Variants in GRM3 observed in about 807,000 individuals in gnomAD.
GRM3 encodes the protein metabotropic glutamate receptor 3.
In GRM3, 26 loss-of-function variants were observed where a neutral mutation model predicts 70.5. The ratio of observed to expected loss-of-function variants is 0.37; its 90% CI spans 0.27 to 0.51. The LOEUF (loss-of-function observed/expected upper bound fraction) is 0.51. Among genes scored for constraint, GRM3 ranks in the 20% least tolerant of loss-of-function variants. The probability of loss-of-function intolerance (pLI) is 0.93; values close to 1 mark genes in which losing one functional copy is unlikely to be tolerated. For synonymous variants in GRM3, 443 were observed against 434.9 expected (o/e 1.02, Z -0.23); for missense variants, 859 against 1,123.8 (o/e 0.76, Z 3.37).
At chr7:86,687,555 C>T (rs1207772694) in intron 1 of GRM3, among the ~76,000 whole-genome samples, 1 of 151,700 alleles carries the variant, frequency 6.6e-6, no homozygotes, top group African/African-American at 2.4e-5. Context: ...GCAAAATAGA[C>T]ATTTTCAGAA....
chr7:86,800,896 A>T (rs1797665014), intron 3 of GRM3, among the ~76,000 whole-genome samples: 1 of 152,158 alleles, frequency 6.6e-6, no homozygotes, highest in Non-Finnish European at 1.5e-5. Context: ...TCAATAAAAT[A>T]TGGCAAACCG....
At chr7:86,769,275 CG>C (rs1411773397) in intron 2 of GRM3, among the ~76,000 whole-genome samples, 20 of 151,976 alleles carry the variant, frequency 1.3e-4, no homozygotes, top group Middle Eastern at 3.4e-3. Context: ...TGAACTGAGC[CG>C]GGGGAAAAAA....
At position 86,743,871 on chromosome 7, in the gene GRM3, T is replaced by G. The variant is rs1796044959; in HGVS notation, c.-140-21135T>G. 2.0e-5 allele frequency among the ~76,000 whole-genome samples: 3 copies of G among 152,100 alleles called. No homozygotes were observed. The South Asian group carries it at 6.2e-4, about 32-fold the overall frequency. On this transcript the variant is annotated intron_variant, in intron 1 of 5. Coordinates refer to ENST00000361669, the MANE Select transcript of GRM3 (RefSeq NM_000840.3). ...GACTCAAACCACTTCCATATGTAAT[T>G]CCTCAAGAAGAGAGCTGTGTGAGAC...
At chr7:86,784,199 A>T (rs1021603465) in intron 2 of GRM3, 8 of 151,026 alleles carry the variant, frequency 5.3e-5, no homozygotes, top group Non-Finnish European at 8.8e-5. Flanking sequence ...CCTATCATTG[A>T]AAAACAAGAA....
chr7:86,803,746 G>C (rs1797730851), intron 3 of GRM3, among the ~76,000 whole-genome samples: 1 of 150,778 alleles, frequency 6.6e-6, no homozygotes, highest in African/African-American at 2.5e-5. Flanking sequence ...GCCCCAGTGT[G>C]GCAAGAGGTG....
intron 1 of GRM3, among the ~76,000 whole-genome samples, chr7:86,717,586 TA>T (rs1795348148): frequency 6.6e-6 from 1 of 151,768 alleles, no homozygotes; most frequent in Non-Finnish European, 1.5e-5. Context: ...TAATAAACAA[TA>T]AAAAAGTATC....
chr7:86,679,299 C>T (rs1338851811), intron 1 of GRM3, among the ~76,000 whole-genome samples: 1 of 151,976 alleles, frequency 6.6e-6, no homozygotes, highest in Admixed American at 6.6e-5. Flanking sequence ...AAACAATATA[C>T]ATACACAAAT....
intron 2 of GRM3, among the ~76,000 whole-genome samples, chr7:86,774,011 A>G (rs565048445): frequency 3.9e-5 from 6 of 152,258 alleles, no homozygotes; most frequent in African/African-American, 1.4e-4. Context: ...CAAAGAATAC[A>G]GACATTCCTA....
chr7:86,767,744 C>T (rs1206087119), intron 2 of GRM3, among the ~76,000 whole-genome samples: 4 of 151,818 alleles, frequency 2.6e-5, no homozygotes, highest in Non-Finnish European at 5.9e-5. Context: ...TGGTACTCTA[C>T]AGCAGATGTG....
chr7:86,836,816 T>A (rs1416878832), intron 3 of GRM3, among the ~76,000 whole-genome samples: 3 of 152,224 alleles, frequency 2.0e-5, no homozygotes, highest in Non-Finnish European at 4.4e-5. Context: ...AAAGAACTCT[T>A]ATTCCCAATT....
chr7:86,820,872 A>G (rs533301300), intron 3 of GRM3, among the ~76,000 whole-genome samples: 1 of 152,248 alleles, frequency 6.6e-6, no homozygotes, highest in South Asian at 2.1e-4. Flanking sequence ...TTCCCCTTCA[A>G]CGTCACCCAG....
At chr7:86,712,729 C>A (rs185720207) in intron 1 of GRM3, among the ~76,000 whole-genome samples, 1 of 152,028 alleles carries the variant, frequency 6.6e-6, no homozygotes, top group South Asian at 2.1e-4. Context: ...CGAGAACATG[C>A]GATATTTGTC....
intron 1 of GRM3, among the ~76,000 whole-genome samples, chr7:86,707,981 G>C (rs889340836): frequency 6.6e-6 from 1 of 152,054 alleles, no homozygotes; most frequent in Non-Finnish European, 1.5e-5. Context: ...AATGAGAAGC[G>C]TGAATTACAT....
intron 3 of GRM3, among the ~76,000 whole-genome samples, chr7:86,795,151 C>G (rs1263487715): frequency 6.6e-6 from 1 of 151,708 alleles, no homozygotes; most frequent in Non-Finnish European, 1.5e-5. Context: ...TAACCAGCCA[C>G]TTTGGAAAAG....
chr7:86,682,615 A>G (rs182192380), intron 1 of GRM3, among the ~76,000 whole-genome samples: 19 of 152,284 alleles, frequency 1.2e-4, no homozygotes, highest in Admixed American at 1.2e-3. Flanking sequence ...TGAAGTAGAA[A>G]ATCATCCAGC....
At chr7:86,784,999 T>C (rs1431404615) in intron 2 of GRM3, among the ~76,000 whole-genome samples, 1 of 152,220 alleles carries the variant, frequency 6.6e-6, no homozygotes, top group East Asian at 1.9e-4. Flanking sequence ...GGCTCAGATG[T>C]CAGTTGTTTT....
At chr7:86,812,446 G>T (rs545277133) in intron 3 of GRM3, among the ~76,000 whole-genome samples, 1 of 151,902 alleles carries the variant, frequency 6.6e-6, no homozygotes, top group Admixed American at 6.6e-5. Context: ...TACAGAATCA[G>T]TATTAGTTCT....
chr7:86,651,084 G>A (rs1172453717), intron 1 of GRM3, among the ~76,000 whole-genome samples: 1 of 152,140 alleles, frequency 6.6e-6, no homozygotes, highest in East Asian at 1.9e-4. Context: ...AGATTCCAAA[G>A]ACTGTTGGTA....
chr7:86,814,124 T>C (rs1171964963), intron 3 of GRM3, among the ~76,000 whole-genome samples: 2 of 151,796 alleles, frequency 1.3e-5, no homozygotes, highest in South Asian at 2.1e-4. Flanking sequence ...TGCCTTAGAG[T>C]TAGCACCCCC....
Sources: gnomAD v4.1 joint callset for allele counts (sites outside exome capture counted in the v4.1 genomes callset) on GRCh38, gnomAD v4.1.1 for gene constraint, MANE v1.5 for transcripts, NCBI Gene and HGNC (gene_info 2026-07-23, HGNC 2026-07-21) for gene names.